Variants in DCPH1 observed in about 807,000 individuals in gnomAD.
DCPH1 encodes the protein damage-control phosphatase 1.
chr6:151,452,737 G>A, the DCPH1 span: 21 of 761,976 alleles, frequency 2.8e-5, no homozygotes, highest in African/African-American at 3.5e-4. Context: ...TGCGGGTTTC[G>A]CGGACTGGCT....
At chr6:151,468,304 CAGA>C in the DCPH1 span, 5 of 1,430,652 alleles carry the variant, frequency 3.5e-6, no homozygotes, top group Non-Finnish European at 4.7e-6. Context: ...GTTGGCTATT[CAGA>C]AGAAGGGTGA....
chr6:151,458,624 T>G, the DCPH1 span: 6,172 of 1,461,220 alleles, frequency 4.2e-3, 29 homozygotes, highest in Non-Finnish European at 4.3e-3. Flanking sequence ...ATACTTTTTC[T>G]GAAATTGTAA....
chr6:151,466,014 G>A, the DCPH1 span, among the ~76,000 whole-genome samples: 1 of 152,216 alleles, frequency 6.6e-6, no homozygotes, highest in Non-Finnish European at 1.5e-5. Flanking sequence ...CGTCTCCCGG[G>A]TTTAAGCAAT....
chr6:151,462,939 G>A, the DCPH1 span, among the ~76,000 whole-genome samples: 1 of 152,152 alleles, frequency 6.6e-6, no homozygotes, highest in East Asian at 1.9e-4. Context: ...AGGCATAGGG[G>A]CCATGTGGTC....
At chr6:151,468,243 T>C in the DCPH1 span, 3 of 726,426 alleles carry the variant, frequency 4.1e-6, no homozygotes, top group Non-Finnish European at 6.8e-6. Context: ...TTTGTAGATA[T>C]TTAGTAGTTT....
chr6:151,467,850 GT>G, the DCPH1 span, among the ~76,000 whole-genome samples: 2 of 152,156 alleles, frequency 1.3e-5, no homozygotes, highest in African/African-American at 4.8e-5. Context: ...ACTTTGTTCA[GT>G]TTTTTAAATT....
the DCPH1 span, among the ~76,000 whole-genome samples, chr6:151,467,412 A>G: frequency 6.6e-6 from 1 of 152,120 alleles, no homozygotes; most frequent in Non-Finnish European, 1.5e-5. Context: ...TAGCCTGGTC[A>G]ACATAGTGAG....
chr6:151,452,675 C>A, the DCPH1 span: 1 of 1,330,018 alleles, frequency 7.5e-7, no homozygotes, highest in South Asian at 1.3e-5. Context: ...GCCCGCTCCC[C>A]GGTGGGCTGC....
chr6:151,469,175 G>C, the DCPH1 span: 1 of 1,417,112 alleles, frequency 7.1e-7, no homozygotes, highest in Non-Finnish European at 9.5e-7. Context: ...CCCAGAAAAG[G>C]AGCACGTGAA....
chr6:151,469,658 T>A, the DCPH1 span: 1 of 152,686 alleles, frequency 6.5e-6, no homozygotes, highest in East Asian at 1.9e-4. Flanking sequence ...TTCTAACTTT[T>A]ATTCTTGAAT....
chr6:151,463,433 A>T, the DCPH1 span, among the ~76,000 whole-genome samples: 2 of 152,306 alleles, frequency 1.3e-5, no homozygotes, highest in East Asian at 3.9e-4. Context: ...TTCCAAAAAT[A>T]AATTGACTCC....
the DCPH1 span, among the ~76,000 whole-genome samples, chr6:151,459,694 G>A: frequency 6.6e-6 from 1 of 152,150 alleles, no homozygotes; most frequent in African/African-American, 2.4e-5. Flanking sequence ...CGGAGGCTGA[G>A]GCATGAGAAT....
At chr6:151,464,117 T>C in the DCPH1 span, among the ~76,000 whole-genome samples, 15 of 152,316 alleles carry the variant, frequency 9.8e-5, no homozygotes, top group Admixed American at 9.2e-4. Flanking sequence ...AAAATGTTTG[T>C]TGAACTAAAG....
chr6:151,469,285 C>T, the DCPH1 span: 1 of 524,344 alleles, frequency 1.9e-6, no homozygotes, highest in East Asian at 3.1e-5. Context: ...TTTTGCCCCA[C>T]TACACTGTTT....
the DCPH1 span, among the ~76,000 whole-genome samples, chr6:151,455,238 G>A: frequency 1.3e-5 from 2 of 152,216 alleles, no homozygotes; most frequent in African/African-American, 4.8e-5. Flanking sequence ...CTCCACACCT[G>A]TGGGTGTTTC....
chr6:151,454,671 T>A, the DCPH1 span: 1 of 1,227,422 alleles, frequency 8.1e-7, no homozygotes, highest in Non-Finnish European at 1.2e-6. Context: ...TTGTTTTAAC[T>A]TTTAATTTTT....
At chr6:151,469,301 A>T in the DCPH1 span, 1 of 446,382 alleles carries the variant, frequency 2.2e-6, no homozygotes, top group Non-Finnish European at 3.9e-6. Context: ...TGTTTTGGGG[A>T]TAGCTGGGTT....
the DCPH1 span, among the ~76,000 whole-genome samples, chr6:151,468,098 T>G: frequency 6.6e-6 from 1 of 152,236 alleles, no homozygotes; most frequent in Non-Finnish European, 1.5e-5. Context: ...CTGAAATAAT[T>G]GAAACCAGTT....
At chr6:151,464,090 G>A in the DCPH1 span, among the ~76,000 whole-genome samples, 5 of 152,146 alleles carry the variant, frequency 3.3e-5, no homozygotes, top group Non-Finnish European at 5.9e-5. Context: ...CTGGAACTCT[G>A]CCACATCGGT....
Sources: allele counts gnomAD v4.1 joint callset (sites outside exome capture counted in the v4.1 genomes callset), GRCh38; gene constraint gnomAD v4.1.1; transcripts MANE v1.5; gene names NCBI Gene and HGNC (gene_info 2026-07-23, HGNC 2026-07-21).